SPSB4: variants seen among roughly 807,000 people sequenced by gnomAD.
SPSB4 encodes the protein SPRY domain-containing SOCS box protein 4.
Under a neutral mutation model 20.9 loss-of-function variants are expected in SPSB4, and 21 were observed. That is an observed-to-expected ratio of 1.01 (90% CI 0.71 to 1.45). The LOEUF (loss-of-function observed/expected upper bound fraction) is 1.45. Among genes scored for constraint, SPSB4 ranks in the 40% most tolerant of loss-of-function variants. SPSB4 has a pLI of 0.00. For synonymous variants in SPSB4, 207 were observed against 183.8 expected (o/e 1.13, Z -1.02); for missense variants, 399 against 399.2 (o/e 1.00, Z 0.00).
intron 2 of SPSB4, among the ~76,000 whole-genome samples, chr3:141,073,300 A>C (rs1408942931): frequency 6.6e-6 from 1 of 152,202 alleles, no homozygotes; most frequent in Non-Finnish European, 1.5e-5. Flanking sequence ...TGCGGTGCTG[A>C]GCTCATCTTG....
At chr3:141,146,359 G>A (rs892398048) in intron 2 of SPSB4, among the ~76,000 whole-genome samples, 1 of 152,092 alleles carries the variant, frequency 6.6e-6, no homozygotes, top group African/African-American at 2.4e-5. Context: ...GGGTTCACAG[G>A]CATTTCAGAC....
intron 1 of SPSB4, among the ~76,000 whole-genome samples, chr3:141,062,703 A>G (rs927995245): frequency 2.0e-5 from 3 of 152,190 alleles, no homozygotes; most frequent in African/African-American, 7.2e-5. Flanking sequence ...TTTGTGATCT[A>G]TAATTTTGTG....
At chr3:141,139,402 C>T (rs1328107167) in intron 2 of SPSB4, among the ~76,000 whole-genome samples, 4 of 152,160 alleles carry the variant, frequency 2.6e-5, no homozygotes, top group African/African-American at 4.8e-5. Context: ...CTATTTTGCT[C>T]GTTAGTTGAT....
chr3:141,075,918 A>G (rs921513070), intron 2 of SPSB4, among the ~76,000 whole-genome samples: 15 of 147,392 alleles, frequency 1.0e-4, no homozygotes, highest in Non-Finnish European at 2.1e-4. Context: ...AAAAAAAGCC[A>G]GGTATAGTAC....
chr3:141,103,862 C>T (rs1442624828), intron 2 of SPSB4, among the ~76,000 whole-genome samples: 1 of 151,424 alleles, frequency 6.6e-6, no homozygotes, highest in African/African-American at 2.4e-5. Context: ...ATTCTGAATC[C>T]TCCAGAATGG....
At chr3:141,122,509 A>C (rs137925880) in intron 2 of SPSB4, among the ~76,000 whole-genome samples, 182 of 152,234 alleles carry the variant, frequency 1.2e-3, no homozygotes, top group Admixed American at 2.4e-3. Context: ...TTTTGTTCTG[A>C]TATGCCCTGC....
chr3:141,129,200 C>T (rs1939097027), intron 2 of SPSB4, among the ~76,000 whole-genome samples: 1 of 152,232 alleles, frequency 6.6e-6, no homozygotes, highest in African/African-American at 2.4e-5. Flanking sequence ...ACATCCTGCC[C>T]ACCTCTGCTG....
At chr3:141,114,767 CA>C (rs1938858863) in intron 2 of SPSB4, among the ~76,000 whole-genome samples, 1 of 152,220 alleles carries the variant, frequency 6.6e-6, no homozygotes, top group Admixed American at 6.5e-5. Context: ...TTTTCTCTAT[CA>C]TTTTTCTCTA....
intron 2 of SPSB4, among the ~76,000 whole-genome samples, chr3:141,095,646 C>T (rs1938535867): frequency 6.6e-6 from 1 of 152,102 alleles, no homozygotes; most frequent in East Asian, 1.9e-4. Flanking sequence ...GCTGCCAGGA[C>T]CTGGACCCCT....
intron 2 of SPSB4, among the ~76,000 whole-genome samples, chr3:141,145,039 T>C: frequency 6.6e-6 from 1 of 152,146 alleles, no homozygotes; most frequent in East Asian, 1.9e-4. Context: ...AGTGATTGGG[T>C]GACTGGGAGG....
At chr3:141,069,011 C>A (rs1442297077) in intron 2 of SPSB4, among the ~76,000 whole-genome samples, 1 of 152,090 alleles carries the variant, frequency 6.6e-6, no homozygotes, top group Non-Finnish European at 1.5e-5. Flanking sequence ...TCCTTACTGG[C>A]AGTGATTTTT....
chr3:141,066,659 G>A lies in SPSB4; in HGVS notation c.555G>A (p.Glu185=), dbSNP rs1166802964. 7 of 1,613,086 alleles carry A rather than the reference G, an allele frequency of 4.3e-6. No homozygotes were observed. Among genetic ancestry groups the A allele is most frequent in the Non-Finnish European group, 5.1e-6 (6 of 1,179,714 alleles). ...TGCTCGTGGTGCTGGACATGGATGA[G>A]GGCACACTCAGCTTCATCGTGGATG... The part of the protein sequence containing the change: ...DSLLVVLDMD[E]GTLSFIVDGQ... The change falls in exon 2 of 3, where the codon GAG becomes GAA. Residue 185 remains glutamate, a synonymous_variant. Transcript: ENST00000310546.
In SPSB4 at chr3:141,066,424, G is replaced by A. The variant is rs910605440; in HGVS notation, c.320G>A (p.Arg107Gln). 3.3e-5 allele frequency: 50 copies of A among 1,517,044 alleles called. No homozygotes were observed. The highest frequency in any genetic ancestry group is 5.5e-5 in the African/African-American group (4 of 72,218). The allele number at this position is 1,517,044 out of a possible 1,614,324, so 94.0% of individuals were successfully genotyped here. A position where few individuals can be genotyped will look rare whatever the true frequency, so the allele number is the denominator to read the frequency against. ...LHAWQINWPA[R>Q]QRGTHAVVGV... ...GCCTGGCAGATCAACTGGCCGGCTCGGCAGCGCGGCACCCACGCTGTAGTT... is the reference window on the plus strand; with the variant it reads ...GCCTGGCAGATCAACTGGCCGGCTCAGCAGCGCGGCACCCACGCTGTAGTT... The change falls in exon 2 of 3, where the codon CGG becomes CAG. Residue 107 changes from arginine to glutamine, a missense_variant. Physicochemically the swap from Arg to Gln is conservative, Grantham distance 43 (BLOSUM62 1). Coordinates refer to ENST00000310546, the MANE Select transcript of SPSB4 (RefSeq NM_080862.3).
In SPSB4 at chr3:141,147,191, C is replaced by G; in HGVS notation, c.744C>G (p.Ala248=). 1 of 1,614,216 alleles carries G rather than the reference C, an allele frequency of 6.2e-7. No homozygotes were observed. ...MDLCRRSIRS[A]LGRQRLQDIS... ...TGTGCCGGAGATCCATCCGCTCGGC[C>G]CTGGGCCGCCAGCGCCTGCAGGACA... Residue 248 remains alanine (A), a synonymous_variant, in exon 3 of 3, where the codon GCC becomes GCG. Transcript: ENST00000310546.
At chr3:141,139,424 C>G (rs1274231171) in intron 2 of SPSB4, among the ~76,000 whole-genome samples, 1 of 152,198 alleles carries the variant, frequency 6.6e-6, no homozygotes, top group African/African-American at 2.4e-5. Flanking sequence ...CATTTTCTTC[C>G]TAGCCTCGAT....
intron 2 of SPSB4, among the ~76,000 whole-genome samples, chr3:141,104,600 C>G (rs1474546273): frequency 1.3e-5 from 2 of 152,114 alleles, no homozygotes; most frequent in Non-Finnish European, 2.9e-5. Context: ...TGCCAGACCT[C>G]GTGACCTGCA....
At chr3:141,096,171 T>C (rs931072736) in intron 2 of SPSB4, among the ~76,000 whole-genome samples, 2 of 152,076 alleles carry the variant, frequency 1.3e-5, no homozygotes, top group African/African-American at 4.8e-5. Context: ...TATGCTTCCT[T>C]GTAGAAGAGG....
chr3:141,058,862 A>C (rs1937708540), intron 1 of SPSB4, among the ~76,000 whole-genome samples: 1 of 152,138 alleles, frequency 6.6e-6, no homozygotes, highest in Non-Finnish European at 1.5e-5. Flanking sequence ...ACTGGGCTTC[A>C]TGTCCCCATA....
At chr3:141,059,105 A>T (rs1937712254) in intron 1 of SPSB4, among the ~76,000 whole-genome samples, 1 of 152,160 alleles carries the variant, frequency 6.6e-6, no homozygotes, top group African/African-American at 2.4e-5. Flanking sequence ...AGAAAAAAGC[A>T]GATCAGTAAG....
Sources: allele counts gnomAD v4.1 joint callset (sites outside exome capture counted in the v4.1 genomes callset), GRCh38; gene constraint gnomAD v4.1.1; transcripts MANE v1.5; gene names NCBI Gene and HGNC (gene_info 2026-07-23, HGNC 2026-07-21).